IFT43: variants seen among roughly 807,000 people sequenced by gnomAD.
IFT43 encodes the protein intraflagellar transport protein 43 homolog.
IFT43 carries 33 observed loss-of-function variants against 32.3 expected under a neutral mutation model. The ratio of observed to expected loss-of-function variants is 1.02; its 90% CI spans 0.77 to 1.37. The LOEUF (loss-of-function observed/expected upper bound fraction) is 1.37, where lower values mean the gene tolerates loss of function less well. IFT43 is among the 40% of genes most tolerant of loss of function. The probability of loss-of-function intolerance (pLI) is 0.00; values close to 1 mark genes in which losing one functional copy is unlikely to be tolerated. For synonymous variants in IFT43, 93 were observed against 98.2 expected (o/e 0.95, Z 0.31); for missense variants, 274 against 265.9 (o/e 1.03, Z -0.21).
intron 5 of IFT43, among the ~76,000 whole-genome samples, chr14:76,077,854 G>A (rs2037438242): frequency 6.6e-6 from 1 of 152,140 alleles, no homozygotes; most frequent in African/African-American, 2.4e-5. Flanking sequence ...CCGCCTGGCT[G>A]AATCCTGATT....
chr14:75,989,939 C>T (rs1381610464), intron 2 of IFT43, among the ~76,000 whole-genome samples: 2 of 152,244 alleles, frequency 1.3e-5, no homozygotes, highest in African/African-American at 4.8e-5. Context: ...ATGCATTCTC[C>T]ACCACTTTCT....
At chr14:76,036,430 G>C (rs2036600693) in intron 3 of IFT43, among the ~76,000 whole-genome samples, 1 of 133,730 alleles carries the variant, frequency 7.5e-6, no homozygotes, top group Admixed American at 7.9e-5. Context: ...TTTTTTGGTG[G>C]AGTCTCACTC....
intron 5 of IFT43, among the ~76,000 whole-genome samples, chr14:76,074,641 T>C (rs1309111010): frequency 2.0e-5 from 3 of 152,218 alleles, no homozygotes; most frequent in African/African-American, 7.2e-5. Flanking sequence ...TCAGTGGACC[T>C]GGGTGGGATG....
rs1170517790 is a variant in IFT43, at chr14:76,083,247, AC to A, written c.466del (p.Leu156SerfsTer86). 4 of 1,613,348 alleles carry A rather than the reference AC, an allele frequency of 2.5e-6. No homozygotes were observed. The highest frequency in any genetic ancestry group is 3.4e-6 in the Non-Finnish European group (4 of 1,179,802). ...QTLDGEIDLK[L>X]LTKVLAPEHE... ...CACAGGATGGGGAGATCGACCTGAA[AC>A]TCCTCACCAAAGTGCTCGCGCCGGA... On this transcript the variant is annotated frameshift_variant, in exon 8 of 9. Transcript: ENST00000314067. LOFTEE classifies it high-confidence loss of function.
At chr14:76,024,784 A>G (rs2036358836) in intron 3 of IFT43, among the ~76,000 whole-genome samples, 1 of 152,202 alleles carries the variant, frequency 6.6e-6, no homozygotes, top group African/African-American at 2.4e-5. Flanking sequence ...AGCACCTTCC[A>G]GATGCTTTAA....
intron 3 of IFT43, among the ~76,000 whole-genome samples, chr14:76,037,613 G>A (rs74066758): frequency 0.022 from 3,288 of 151,434 alleles, 87 homozygotes; most frequent in African/African-American, 0.067. Context: ...TATTAGTACA[G>A]CAAACACCCA....
At position 76,016,793 on chromosome 14, in the gene IFT43, A is replaced by AT. The variant is rs575453984; in HGVS notation, c.148-5526dup. On this transcript the variant is annotated intron_variant, in intron 2 of 8. Transcript: ENST00000314067. ...TTCTTGGATAAATGTATTCCTAAGTATTTTTTTTGTAGCTATTATAAATGG... is the reference window on the plus strand; with the variant it reads ...TTCTTGGATAAATGTATTCCTAAGTATTTTTTTTTGTAGCTATTATAAATGG... Among the ~76,000 whole-genome samples the AT allele has an allele frequency of 3.0e-4, 46 of 151,746 alleles. No individual in the cohort carries two copies. The East Asian group carries it at 3.1e-3, about 10-fold the overall frequency.
intron 2 of IFT43, among the ~76,000 whole-genome samples, chr14:76,021,451 A>G (rs375404453): frequency 6.6e-6 from 1 of 152,252 alleles, no homozygotes; most frequent in Non-Finnish European, 1.5e-5. Flanking sequence ...CATATAACTC[A>G]TTAACACTAA....
At chr14:76,064,655 T>G (rs2037198149) in intron 5 of IFT43, among the ~76,000 whole-genome samples, 1 of 152,232 alleles carries the variant, frequency 6.6e-6, no homozygotes, top group African/African-American at 2.4e-5. Context: ...GCAGGACGTC[T>G]TCTTTGGACA....
intron 5 of IFT43, among the ~76,000 whole-genome samples, chr14:76,064,735 A>G (rs138938498): frequency 9.2e-4 from 140 of 152,330 alleles, no homozygotes; most frequent in African/African-American, 3.3e-3. Context: ...TTAAGTAAGA[A>G]AGCATTAAAC....
intron 2 of IFT43, among the ~76,000 whole-genome samples, chr14:76,000,718 AG>A (rs983649912): frequency 2.0e-5 from 3 of 152,148 alleles, no homozygotes; most frequent in African/African-American, 7.2e-5. Context: ...GACCTGTTTG[AG>A]GGCAGGCAGA....
At chr14:76,083,359 G>C in intron 8 of IFT43, 70 bp downstream of exon 8, 1 of 1,612,146 alleles carries the variant, frequency 6.2e-7, no homozygotes, top group Non-Finnish European at 8.5e-7. Flanking sequence ...CTCCCGGGCT[G>C]GCCTGTGCCT....
intron 3 of IFT43, among the ~76,000 whole-genome samples, chr14:76,036,475 G>T (rs1411817974): frequency 7.2e-6 from 1 of 138,916 alleles, no homozygotes; most frequent in South Asian, 2.3e-4. Context: ...GTGTGATCTC[G>T]GCTCACTGAG....
At chr14:76,055,640 G>T (rs1198044174) in intron 3 of IFT43, among the ~76,000 whole-genome samples, 2 of 152,180 alleles carry the variant, frequency 1.3e-5, no homozygotes, top group African/African-American at 4.8e-5. Context: ...CACTGCACTA[G>T]CCTGAGGTGC....
intron 1 of IFT43, chr14:75,986,443 G>C (rs914492491): frequency 8.8e-6 from 1 of 113,692 alleles, no homozygotes; most frequent in Non-Finnish European, 1.3e-5. Context: ...TGTTGCCTGG[G>C]TTCAAAAAAA....
Position 76,082,756 on chromosome 14 carries a change from T to G in IFT43, c.444+64T>G. The stretch of plus-strand genomic sequence containing the variant: ...AGCAATGGGCTTCAATCCGTAGAGA[T>G]TTCTCAGTTCCTCCCAAGCTATACA... On this transcript the variant is annotated intron_variant, in intron 7 of 8. Transcript: ENST00000314067. 3 of 1,224,922 alleles carry G rather than the reference T, an allele frequency of 2.4e-6. No homozygotes were observed. The South Asian group carries it at 3.6e-5, about 15-fold the overall frequency. The allele number at this position is 1,224,922 out of a possible 1,614,324, so 75.9% of individuals were successfully genotyped here.
At chr14:76,058,275 C>T in intron 3 of IFT43, 1 of 285,812 alleles carries the variant, frequency 3.5e-6, no homozygotes, top group Non-Finnish European at 6.7e-6. Context: ...CAGCTAACAA[C>T]ACCAAATAAG....
chr14:76,003,301 C>T (rs1170693899), intron 2 of IFT43, among the ~76,000 whole-genome samples: 2 of 151,724 alleles, frequency 1.3e-5, no homozygotes, highest in Non-Finnish European at 2.9e-5. Context: ...TTAAAATATG[C>T]ATCCTTATCA....
chr14:76,059,271 C>T (rs2037085053), intron 4 of IFT43, 56 bp from the exon 5 acceptor site: 1 of 1,613,256 alleles, frequency 6.2e-7, no homozygotes, highest in African/African-American at 1.3e-5. Flanking sequence ...TTGGGATGTT[C>T]CTTTCCGTGT....
Sources: gnomAD v4.1 joint callset for allele counts (sites outside exome capture counted in the v4.1 genomes callset) on GRCh38, gnomAD v4.1.1 for gene constraint, MANE v1.5 for transcripts, NCBI Gene and HGNC (gene_info 2026-07-23, HGNC 2026-07-21) for gene names.